Variants in ADAMTSL1 observed in about 807,000 individuals in gnomAD.
The protein encoded by ADAMTSL1 is ADAMTS-like protein 1.
A neutral mutation model predicts 201.8 loss-of-function variants in ADAMTSL1; 126 were observed. The ratio of observed to expected loss-of-function variants is 0.62; its 90% confidence interval spans 0.54 to 0.72. The LOEUF is 0.72. Among genes scored for constraint, ADAMTSL1 ranks in the 30% least tolerant of loss-of-function variants. ADAMTSL1 has a pLI of 0.00. For missense variants in ADAMTSL1, 2,679 were observed against 2,277.8 expected, an observed-to-expected ratio of 1.18 and a Z score of -3.59; for synonymous variants, 1,121 against 903.4, an observed-to-expected ratio of 1.24 and a Z score of -4.32.
intron 15 of ADAMTSL1, among the ~76,000 whole-genome samples, chr9:18,736,242 G>A (rs774128984): frequency 4.6e-5 from 7 of 152,140 alleles, no homozygotes; most frequent in East Asian, 3.8e-4. Flanking sequence ...TGTGGCTTTC[G>A]GGGGTTAGGG....
chr9:18,897,535 T>A (rs931415273), intron 26 of ADAMTSL1, among the ~76,000 whole-genome samples: 1 of 152,208 alleles, frequency 6.6e-6, no homozygotes, highest in African/African-American at 2.4e-5. Context: ...ATCTTTGCTG[T>A]TTTGCAGACT....
intron 1 of ADAMTSL1, among the ~76,000 whole-genome samples, chr9:18,019,361 T>C (rs1820387524): frequency 6.6e-6 from 1 of 152,042 alleles, no homozygotes. Flanking sequence ...AATTAAAAAA[T>C]AGCTTATCAG....
At chr9:18,759,969 TG>T (rs1819973055) in intron 16 of ADAMTSL1, among the ~76,000 whole-genome samples, 1 of 152,224 alleles carries the variant, frequency 6.6e-6, no homozygotes, top group South Asian at 2.1e-4. Flanking sequence ...GGCTCAGCTA[TG>T]ACCTCGACTG....
At chr9:18,441,411 T>G (rs547260265) in intron 2 of ADAMTSL1, among the ~76,000 whole-genome samples, 2 of 152,298 alleles carry the variant, frequency 1.3e-5, no homozygotes, top group East Asian at 3.9e-4. Context: ...GAGGTTTGTG[T>G]GGGCTGGTAA....
chr9:18,649,287 G>T (rs530191583), intron 7 of ADAMTSL1, among the ~76,000 whole-genome samples: 11 of 149,564 alleles, frequency 7.4e-5, no homozygotes, highest in Middle Eastern at 3.4e-3. Flanking sequence ...TTATACATTT[G>T]TCTAAATTTT....
At position 18,590,253 on chromosome 9, in the gene ADAMTSL1, T is replaced by G. The variant is rs550515800; in HGVS notation, c.474+15987T>G. ...AGTTTTCTGTTTTCTCCTGATATGT[T>G]GAATGTGTCAAGGAGTTTATCCATT... On this transcript the variant is annotated intron_variant, in intron 4 of 28. Transcript: ENST00000380548. Among the ~76,000 whole-genome samples, 18 of 152,068 alleles carry G rather than the reference T, an allele frequency of 1.2e-4. 1 individual carries two copies. The South Asian group carries it at 1.5e-3, about 12-fold the overall frequency.
chr9:18,655,940 C>T (rs531820811), intron 7 of ADAMTSL1, among the ~76,000 whole-genome samples: 1 of 151,228 alleles, frequency 6.6e-6, no homozygotes, highest in South Asian at 2.1e-4. Context: ...ATAGGCAGTG[C>T]TCTTTTTTTG....
intron 3 of ADAMTSL1, among the ~76,000 whole-genome samples, chr9:18,548,309 T>C (rs574934798): frequency 6.6e-6 from 1 of 152,222 alleles, no homozygotes; most frequent in East Asian, 1.9e-4. Flanking sequence ...TTTGGCAGTC[T>C]ATTTAGTGTC....
intron 2 of ADAMTSL1, among the ~76,000 whole-genome samples, chr9:18,399,615 T>A (rs1817906803): frequency 6.6e-6 from 1 of 151,952 alleles, no homozygotes; most frequent in African/African-American, 2.4e-5. Context: ...CCTCTGAAAG[T>A]GCTGGGATTA....
At chr9:18,447,056 G>T (rs1442016030) in intron 2 of ADAMTSL1, among the ~76,000 whole-genome samples, 3 of 152,124 alleles carry the variant, frequency 2.0e-5, no homozygotes, top group South Asian at 4.1e-4. Flanking sequence ...CACTATGTGG[G>T]TTGTTTACAT....
chr9:18,259,151 T>G (rs902001858), intron 2 of ADAMTSL1, among the ~76,000 whole-genome samples: 1 of 152,220 alleles, frequency 6.6e-6, no homozygotes. Context: ...CAATTTCTTA[T>G]GCTCATGTGG....
intron 2 of ADAMTSL1, among the ~76,000 whole-genome samples, chr9:18,313,502 G>T (rs78620515): frequency 0.018 from 2,720 of 152,250 alleles, 76 homozygotes; most frequent in African/African-American, 0.06. Flanking sequence ...AACCTCCAGA[G>T]ATTTTGATTC....
intron 2 of ADAMTSL1, among the ~76,000 whole-genome samples, chr9:18,246,199 G>A (rs1831254147): frequency 6.6e-6 from 1 of 152,092 alleles, no homozygotes; most frequent in Admixed American, 6.6e-5. Context: ...CTTGCTTGGT[G>A]ATACTGATAT....
At chr9:18,195,633 T>C (rs1264797260) in intron 2 of ADAMTSL1, among the ~76,000 whole-genome samples, 1 of 152,134 alleles carries the variant, frequency 6.6e-6, no homozygotes. Flanking sequence ...TCTTTGGCCT[T>C]ATAATCTGAA....
At chr9:18,406,257 T>C (rs1368667914) in intron 2 of ADAMTSL1, among the ~76,000 whole-genome samples, 6 of 149,272 alleles carry the variant, frequency 4.0e-5, no homozygotes, top group African/African-American at 1.5e-4. Context: ...AAAGTAAAAA[T>C]AAAATGGTAT....
intron 2 of ADAMTSL1, among the ~76,000 whole-genome samples, chr9:18,276,579 A>G (rs769150030): frequency 6.6e-5 from 10 of 152,190 alleles, no homozygotes; most frequent in Admixed American, 1.3e-4. Flanking sequence ...TGAGAGGTTT[A>G]TTTTGGCTCA....
At chr9:18,788,893 A>G (rs1216855322) in intron 19 of ADAMTSL1, among the ~76,000 whole-genome samples, 5 of 151,538 alleles carry the variant, frequency 3.3e-5, no homozygotes, top group African/African-American at 1.2e-4. Flanking sequence ...GTGTTCTAAA[A>G]TTTCAGTATT....
Position 18,550,057 on chromosome 9 carries a change from T to C in ADAMTSL1, c.237+16765T>C, listed in dbSNP as rs985923747. On this transcript the variant is annotated intron_variant, in intron 3 of 28. Coordinates refer to ENST00000380548, the MANE Select transcript of ADAMTSL1 (RefSeq NM_001040272.6). ...AGATGACAGCTGCTCTGGAAAGACATTTTATGAGAAAGAAATAAATATTTG... is the reference window on the plus strand; with the variant it reads ...AGATGACAGCTGCTCTGGAAAGACACTTTATGAGAAAGAAATAAATATTTG... 2.6e-5 allele frequency among the ~76,000 whole-genome samples: 4 copies of C among 151,890 alleles called. No individual in the cohort carries two copies. The East Asian group carries it at 7.7e-4, about 29-fold the overall frequency.
At chr9:18,125,608 G>T (rs182166766) in intron 1 of ADAMTSL1, among the ~76,000 whole-genome samples, 1 of 152,172 alleles carries the variant, frequency 6.6e-6, no homozygotes, top group East Asian at 1.9e-4. Context: ...TCTGCATGGC[G>T]AGATAAGGGT....
Sources: allele counts gnomAD v4.1 joint callset (sites outside exome capture counted in the v4.1 genomes callset), GRCh38; gene constraint gnomAD v4.1.1; transcripts MANE v1.5; gene names NCBI Gene and HGNC (gene_info 2026-07-23, HGNC 2026-07-21).